The following SLC30A10 variants were observed in gnomAD, a reference collection of about 807,000 sequenced individuals.
The protein encoded by SLC30A10 is calcium/manganese antiporter SLC30A10.
A neutral mutation model predicts 21.7 loss-of-function variants in SLC30A10; 8 were observed. The ratio of observed to expected loss-of-function variants is 0.37; its 90% CI spans 0.22 to 0.67. The LOEUF (loss-of-function observed/expected upper bound fraction) is 0.67. SLC30A10 is among the 30% of genes least tolerant of loss of function. The pLI is 0.58. For synonymous variants in SLC30A10, 272 were observed against 279.4 expected (o/e 0.97, Z 0.26); for missense variants, 521 against 642.5 (o/e 0.81, Z 2.04).
chr1:219,949,454 G>T (rs1660236985), intron 1 of SLC30A10, among the ~76,000 whole-genome samples: 1 of 152,120 alleles, frequency 6.6e-6, no homozygotes, highest in South Asian at 2.1e-4. Context: ...CATGTCCTTT[G>T]TAGGGACATG....
At chr1:219,924,711 A>T (rs1659773989) in intron 2 of SLC30A10, among the ~76,000 whole-genome samples, 1 of 152,212 alleles carries the variant, frequency 6.6e-6, no homozygotes, top group South Asian at 2.1e-4. Context: ...TAATGTGACT[A>T]CCAGTTCACT....
Position 219,940,381 on chromosome 1 carries a change from C to A in SLC30A10, n.81-13276G>T, listed in dbSNP as rs1194804648. Among the ~76,000 whole-genome samples, 3 of 152,212 alleles carry A rather than the reference C, an allele frequency of 2.0e-5. 1 individual carries two copies. Among genetic ancestry groups the A allele is most frequent in the African/African-American group, 2.4e-5 (1 of 41,458 alleles). On this transcript the variant is annotated intron_variant and non_coding_transcript_variant, in intron 1 of 8. Transcript: ENST00000484239. ...ATCAAGTCACCCCTAGCCTTTGAGT[C>A]TTCCCAGCTGAGGCCTCAGACATCG...
rs1034194185 is a variant in SLC30A10 at position 219,928,091 on chromosome 1, A to C, written c.350T>G (p.Leu117Arg). ...PERIDDPELV[L>R]IVGVLGLLVN... is the part of the protein sequence containing the mutation. ...CAACAGCCCCAGGACGCCGACGATG[A>C]GCACCAGCTCGGGGTCATCGATGCG... Residue 117 changes from leucine to arginine, a missense_variant, in exon 1 of 4, where the codon CTC becomes CGC. By Grantham distance (102) the Leu-to-Arg change is moderately radical. Coordinates refer to ENST00000366926, the MANE Select transcript of SLC30A10 (RefSeq NM_018713.3). The surrounding 1 kb of genome is among the most constrained non-coding windows in gnomAD (Gnocchi z 6.3). 1.9e-6 allele frequency: 3 copies of C among 1,585,328 alleles called. No individual in the cohort carries two copies. In the African/African-American group the frequency reaches 4.1e-5, roughly 21 times the overall value.
chr1:219,953,754 T>C (rs1660306034), intron 1 of SLC30A10, among the ~76,000 whole-genome samples: 1 of 151,770 alleles, frequency 6.6e-6, no homozygotes, highest in African/African-American at 2.4e-5. Flanking sequence ...TTGCCCAGGC[T>C]GGAGTGCAGT....
intron 3 of SLC30A10, among the ~76,000 whole-genome samples, chr1:219,917,308 T>C (rs1659567063): frequency 2.0e-5 from 3 of 152,170 alleles, no homozygotes; most frequent in Non-Finnish European, 4.4e-5. Flanking sequence ...TTTAAAAATA[T>C]CTGTTTTTAA....
chr1:219,932,705 C>CTTTTTTTT (rs58052957), upstream of SLC30A10, among the ~76,000 whole-genome samples: 1 of 64,912 alleles, frequency 1.5e-5, no homozygotes, highest in Non-Finnish European at 3.3e-5. Flanking sequence ...AGTAACCATT[C>CTTTTTTTT]TTTTTTTTTT....
At chr1:219,922,173 TG>T (rs1659704880) in intron 2 of SLC30A10, among the ~76,000 whole-genome samples, 1 of 70,812 alleles carries the variant, frequency 1.4e-5, no homozygotes, top group Non-Finnish European at 2.3e-5. Context: ...TGTGTGTGTG[TG>T]TGTTTTTTTT....
intron 1 of SLC30A10, among the ~76,000 whole-genome samples, chr1:219,958,400 C>T (rs1220494629): frequency 6.6e-6 from 1 of 152,122 alleles, no homozygotes; most frequent in African/African-American, 2.4e-5. Context: ...TCACAAGGAA[C>T]CTCAAACTAA....
At chr1:219,933,207 G>A (rs1302309679), upstream of SLC30A10, among the ~76,000 whole-genome samples, 2 of 152,006 alleles carry the variant, frequency 1.3e-5, no homozygotes, top group Admixed American at 6.6e-5. Flanking sequence ...AGCCTGCAGT[G>A]TCCTCACCCA....
intron 1 of SLC30A10, among the ~76,000 whole-genome samples, chr1:219,948,031 A>G (rs1032288927): frequency 6.6e-6 from 1 of 151,864 alleles, no homozygotes; most frequent in Non-Finnish European, 1.5e-5. Context: ...AGAGAATAAA[A>G]TACCTAGGAA....
intron 2 of SLC30A10, among the ~76,000 whole-genome samples, chr1:219,923,302 C>G (rs1404547401): frequency 6.6e-6 from 1 of 152,238 alleles, no homozygotes; most frequent in Admixed American, 6.5e-5. Context: ...TTTGCAAAGA[C>G]AGCAAACCTC....
chr1:219,957,078 T>C (rs1264939882), intron 1 of SLC30A10, among the ~76,000 whole-genome samples: 3 of 152,176 alleles, frequency 2.0e-5, no homozygotes, highest in Admixed American at 2.0e-4. Context: ...AATTTCATGA[T>C]CTGGAAGCTC....
chr1:219,921,387 T>C (rs1659672207), intron 2 of SLC30A10, among the ~76,000 whole-genome samples: 1 of 152,202 alleles, frequency 6.6e-6, no homozygotes, highest in African/African-American at 2.4e-5. Context: ...AAGTGTTAAC[T>C]GGGGATATCA....
intron 2 of SLC30A10, among the ~76,000 whole-genome samples, chr1:219,921,735 T>C (rs1571794971): frequency 6.6e-6 from 1 of 152,172 alleles, no homozygotes. Context: ...TTTGAAAAAC[T>C]GTTTAAAGCA....
rs746666361 is a variant in SLC30A10, at chr1:219,926,429, G to A, written c.718+599C>T. ...GATGTTGGCTACAATGGTGTCCAGC[G>A]AGAAACACATCTCAAAAAGCCCTGG... is the stretch of plus-strand genomic sequence containing the variant. On this transcript the variant is annotated intron_variant, in intron 2 of 3. Transcript: ENST00000366926. 5.3e-5 allele frequency among the ~76,000 whole-genome samples: 8 copies of A among 152,116 alleles called. No individual in the cohort carries two copies. In the East Asian group the frequency reaches 5.8e-4, roughly 11 times the overall value.
At chr1:219,925,651 ATTTTTTTTTTTT>A (rs1210071228) in intron 2 of SLC30A10, among the ~76,000 whole-genome samples, 1 of 48,284 alleles carries the variant, frequency 2.1e-5, no homozygotes, top group Non-Finnish European at 3.2e-5. Context: ...ATATATATAT[ATTTTTTTTTTTT>A]TTTTTTTTTT....
At chr1:219,917,755 G>A (rs1282325957) in intron 3 of SLC30A10, among the ~76,000 whole-genome samples, 1 of 125,042 alleles carries the variant, frequency 8.0e-6, no homozygotes, top group East Asian at 2.4e-4. Flanking sequence ...CTGTCACCCA[G>A]CCTGGAGTGC....
Position 219,918,631 on chromosome 1 carries a change from G to C in SLC30A10, c.719-137C>G. ...GTTTTTGTTTTGGTTAGAACAGTAG[G>C]ATGAATCAAAATAATGGCAACTACT... is the stretch of plus-strand genomic sequence containing the variant. On this transcript the variant is annotated intron_variant, in intron 2 of 3. Transcript: ENST00000366926. This position sits in a 1 kb window ranked among gnomAD's most constrained non-coding sequence, Gnocchi z 4.4. 1.8e-6 allele frequency: 2 copies of C among 1,094,534 alleles called. No homozygotes were observed. The highest frequency in any genetic ancestry group is 2.5e-6 in the Non-Finnish European group (2 of 796,240). The allele number at this position is 1,094,534 out of a possible 1,614,324, so 67.8% of individuals were successfully genotyped here.
At chr1:219,942,658 G>A (rs1445539660) in intron 1 of SLC30A10, among the ~76,000 whole-genome samples, 1 of 152,198 alleles carries the variant, frequency 6.6e-6, no homozygotes. Context: ...CCTGACAGAA[G>A]CAAATGCAAA....
Sources: gnomAD v4.1 joint callset for allele counts (sites outside exome capture counted in the v4.1 genomes callset) on GRCh38, gnomAD v4.1.1 for gene constraint, Gnocchi (gnomAD v3.1) non-coding constraint, MANE v1.5 for transcripts, NCBI Gene and HGNC (gene_info 2026-07-23, HGNC 2026-07-21) for gene names.